The following VIPAS39 variants were observed in gnomAD, a reference collection of about 807,000 sequenced individuals.
VIPAS39 encodes VPS33B interacting protein, apical-basolateral polarity regulator, spe-39 homolog.
Under a neutral mutation model 84.7 loss-of-function variants are expected in VIPAS39, and 63 were observed. That is an observed-to-expected ratio of 0.74 (90% CI 0.61 to 0.92). The LOEUF is 0.92. VIPAS39 is among the 40% of genes least tolerant of loss of function. VIPAS39 has a pLI of 0.00. For missense variants in VIPAS39, 499 were observed against 604.5 expected, an observed-to-expected ratio of 0.83 and a Z score of 1.83; for synonymous variants, 192 against 216.5, an observed-to-expected ratio of 0.89 and a Z score of 0.99.
intron 4 of VIPAS39, among the ~76,000 whole-genome samples, chr14:77,450,439 C>A (rs1376604565): frequency 2.0e-5 from 3 of 152,208 alleles, no homozygotes; most frequent in Non-Finnish European, 4.4e-5. Context: ...CATGGAGGTA[C>A]AAATATATGT....
chr14:77,435,185 T>C (rs2139772618), intron 14 of VIPAS39, 74 bp downstream of exon 14: 1 of 1,604,980 alleles, frequency 6.2e-7, no homozygotes, highest in South Asian at 1.1e-5. Context: ...ATAGAGTACA[T>C]AAAAGTACTG....
At position 77,457,589 on chromosome 14, in the gene VIPAS39, G is replaced by A; in HGVS notation, c.-95C>T. 1.8e-6 allele frequency: 1 copy of A among 569,540 alleles called. No individual in the cohort carries two copies. Among genetic ancestry groups the A allele is most frequent in the Non-Finnish European group, 3.1e-6 (1 of 321,106 alleles). The allele number at this position is 569,540 out of a possible 1,614,324, so 35.3% of individuals were successfully genotyped here. A position where few individuals can be genotyped will look rare whatever the true frequency, so the allele number is the denominator to read the frequency against. On this transcript the variant is annotated 5_prime_UTR_variant, in exon 1 of 20. Transcript: ENST00000557658. The stretch of plus-strand genomic sequence containing the variant: ...TCAGGCTGTGCAGCTTAGAGAAGGG[G>A]GCGGAAGGGAATAATCGTAGGGCGG...
chr14:77,432,274 T>G (rs1180112885), intron 16 of VIPAS39, among the ~76,000 whole-genome samples: 1 of 152,032 alleles, frequency 6.6e-6, no homozygotes, highest in Non-Finnish European at 1.5e-5. Flanking sequence ...ATAACAAGTG[T>G]TGGCAAGGGT....
At position 77,442,555 on chromosome 14, in the gene VIPAS39, C is replaced by A; in HGVS notation, c.734+5G>T. On this transcript the variant is annotated splice_donor_5th_base_variant and intron_variant, in intron 10 of 19. Transcript: ENST00000557658. Reference sequence around the variant, plus strand: ...AACTTTATAGACCAGATGATCAGTTCTTACCTGAAGAGGTCTAAAAGCAAC... The same window carrying A: ...AACTTTATAGACCAGATGATCAGTTATTACCTGAAGAGGTCTAAAAGCAAC... The A allele has an allele frequency of 6.2e-7, 1 of 1,611,140 alleles. No homozygotes were observed. Among genetic ancestry groups the A allele is most frequent in the South Asian group, 1.1e-5 (1 of 90,980 alleles).
intron 4 of VIPAS39, among the ~76,000 whole-genome samples, chr14:77,450,589 C>T (rs990895948): frequency 1.3e-5 from 2 of 152,230 alleles, no homozygotes; most frequent in Non-Finnish European, 2.9e-5. Context: ...CGGTTCACTA[C>T]AACCTTTGCC....
At chr14:77,439,602 C>T (rs998896865) in intron 11 of VIPAS39, among the ~76,000 whole-genome samples, 5 of 152,068 alleles carry the variant, frequency 3.3e-5, no homozygotes, top group Non-Finnish European at 7.4e-5. Context: ...GCCTGGCAAA[C>T]AAAGTGAGAC....
At chr14:77,454,869 A>G (rs545273156) in intron 1 of VIPAS39, among the ~76,000 whole-genome samples, 6 of 152,238 alleles carry the variant, frequency 3.9e-5, no homozygotes, top group Non-Finnish European at 8.8e-5. Context: ...CACATTTTCA[A>G]CAAATACTTA....
At position 77,434,025 on chromosome 14, in the gene VIPAS39, C is replaced by T. The variant is rs1228787355; in HGVS notation, c.1090-94G>A. 2.8e-6 allele frequency: 4 copies of T among 1,409,750 alleles called. No individual in the cohort carries two copies. The East Asian group carries it at 9.3e-5, about 33-fold the overall frequency. 87.3% of individuals were successfully genotyped at this position (1,409,750 alleles called of 1,614,324 possible). ...TAGAAAAGACAGACATTAAATATTTCCTGATATTGACTCTGCCCCTTAAAA... is the reference window on the plus strand; with the variant it reads ...TAGAAAAGACAGACATTAAATATTTTCTGATATTGACTCTGCCCCTTAAAA... On this transcript the variant is annotated intron_variant, in intron 15 of 19. Transcript: ENST00000557658.
intron 9 of VIPAS39, 34 bp downstream of exon 9, chr14:77,443,085 T>C (rs1488014670): frequency 6.2e-7 from 1 of 1,613,980 alleles, no homozygotes; most frequent in Non-Finnish European, 8.5e-7. Context: ...GCAGACACCT[T>C]GCTGACTGAA....
chr14:77,444,991 C>T (rs1035653365), intron 7 of VIPAS39, among the ~76,000 whole-genome samples: 2 of 150,946 alleles, frequency 1.3e-5, no homozygotes, highest in African/African-American at 4.9e-5. Flanking sequence ...CGGAGTCTCG[C>T]TCTGTCGCCC....
intron 7 of VIPAS39, among the ~76,000 whole-genome samples, chr14:77,447,965 C>CTTTTTTT (rs1301071234): frequency 7.2e-6 from 1 of 138,876 alleles, no homozygotes; most frequent in African/African-American, 2.7e-5. Context: ...CCCGGCTTCT[C>CTTTTTTT]TTTTTTTTTT....
Position 77,438,018 on chromosome 14 carries a change from G to A in VIPAS39, c.763-137C>T, listed in dbSNP as rs541883168. 1.1e-3 allele frequency: 846 copies of A among 800,184 alleles called. 1 individual carries two copies. Among genetic ancestry groups the A allele is most frequent in the Non-Finnish European group, 1.6e-3 (739 of 476,562 alleles). 49.6% of individuals were successfully genotyped at this position (800,184 alleles called of 1,614,324 possible). A position where few individuals can be genotyped will look rare whatever the true frequency, so the allele number is the denominator to read the frequency against. ...TAGATGGTTATTGGAGGCGGGTGGG[G>A]GGATAGGCAAAGAGTGACTAAGTAT... On this transcript the variant is annotated intron_variant, in intron 11 of 19. Transcript: ENST00000557658.
chr14:77,451,339 A>G lies in VIPAS39; in HGVS notation c.197-6T>C. The stretch of plus-strand genomic sequence containing the variant: ...TCTGATGGACCATGAGATACCTGTG[A>G]GATAGTAAGAACTACATCAGCAATT... On this transcript the variant is annotated splice_region_variant and splice_polypyrimidine_tract_variant and intron_variant, in intron 3 of 19. Transcript: ENST00000557658. 1 of 1,614,182 alleles carries G rather than the reference A, an allele frequency of 6.2e-7. No homozygotes were observed. The highest frequency in any genetic ancestry group is 8.5e-7 in the Non-Finnish European group (1 of 1,180,008).
intron 7 of VIPAS39, among the ~76,000 whole-genome samples, chr14:77,448,271 A>T (rs2078828327): frequency 6.6e-6 from 1 of 151,956 alleles, no homozygotes; most frequent in Admixed American, 6.6e-5. Context: ...CTCACTCTTA[A>T]ATGTACTTTT....
Position 77,457,579 on chromosome 14 carries a change from T to A in VIPAS39, c.-85A>T, listed in dbSNP as rs1032823383. 2.6e-5 allele frequency: 15 copies of A among 587,190 alleles called. No individual in the cohort carries two copies. The highest frequency in any genetic ancestry group is 3.9e-5 in the Non-Finnish European group (13 of 332,654). The allele number at this position is 587,190 out of a possible 1,614,324, so 36.4% of individuals were successfully genotyped here. A position where few individuals can be genotyped will look rare whatever the true frequency, so the allele number is the denominator to read the frequency against. On this transcript the variant is annotated 5_prime_UTR_variant, in exon 1 of 20. Transcript: ENST00000557658. ...GCCCTTCTATTCAGGCTGTGCAGCT[T>A]AGAGAAGGGGGCGGAAGGGAATAAT...
At chr14:77,446,230 T>A (rs1594916325) in intron 7 of VIPAS39, among the ~76,000 whole-genome samples, 1 of 152,308 alleles carries the variant, frequency 6.6e-6, no homozygotes, top group African/African-American at 2.4e-5. Context: ...TTAATTTACA[T>A]TTAGGTCTAT....
chr14:77,444,309 C>T lies in VIPAS39; in HGVS notation c.537G>A (p.Gln179=). 2 of 1,613,772 alleles carry T rather than the reference C, an allele frequency of 1.2e-6. No homozygotes were observed. Among genetic ancestry groups the T allele is most frequent in the East Asian group, 4.5e-5 (2 of 44,870 alleles). Residue 179 remains glutamine (Q), a synonymous_variant, in exon 8 of 20, where the codon CAG becomes CAA. Transcript: ENST00000557658. ...VCSLERFRSL[Q]DKLQLLEEAV... is the part of the protein sequence containing the mutation. The stretch of plus-strand genomic sequence containing the variant: ...CCTCTTCTAGGAGTTGTAGTTTGTC[C>T]TGTAAGGAGCGGAATCTCTCTAGTG...
At chr14:77,452,555 G>A (rs753596584) in intron 3 of VIPAS39, among the ~76,000 whole-genome samples, 16 of 151,920 alleles carry the variant, frequency 1.1e-4, no homozygotes, top group Non-Finnish European at 1.5e-4. Flanking sequence ...CAAGGCAGGC[G>A]GATCACTTGA....
At chr14:77,448,867 T>C (rs2078839312) in intron 6 of VIPAS39, among the ~76,000 whole-genome samples, 1 of 152,316 alleles carries the variant, frequency 6.6e-6, no homozygotes, top group East Asian at 1.9e-4. Context: ...TAACAATTAA[T>C]GCCTTTGGCC....
Sources: allele counts gnomAD v4.1 joint callset (sites outside exome capture counted in the v4.1 genomes callset), GRCh38; gene constraint gnomAD v4.1.1; transcripts MANE v1.5; gene names NCBI Gene and HGNC (gene_info 2026-07-23, HGNC 2026-07-21).